CDKAL1: variants seen among roughly 807,000 people sequenced by gnomAD.
The protein encoded by CDKAL1 is CDKAL1 threonylcarbamoyladenosine tRNA methylthiotransferase.
Under a neutral mutation model 68.2 loss-of-function variants are expected in CDKAL1, and 32 were observed. That is an observed-to-expected ratio of 0.47 (90% CI 0.35 to 0.63). The LOEUF is 0.63. Ranked by LOEUF, CDKAL1 falls within the 30% of genes least tolerant of loss-of-function variation. The pLI is 0.00. For missense variants in CDKAL1, 606 were observed against 696.7 expected (o/e 0.87, Z 1.47); for synonymous variants, 234 against 244.3 (o/e 0.96, Z 0.39).
At chr6:20,860,809 C>T (rs1380646240) in intron 9 of CDKAL1, among the ~76,000 whole-genome samples, 2 of 150,268 alleles carry the variant, frequency 1.3e-5, no homozygotes, top group Admixed American at 6.6e-5. Context: ...GGCAACAGAG[C>T]GAGACTCCAT....
chr6:21,019,023 C>A (rs895847711), intron 11 of CDKAL1, among the ~76,000 whole-genome samples: 2 of 152,198 alleles, frequency 1.3e-5, no homozygotes, highest in East Asian at 1.9e-4. Context: ...GATACGTCTC[C>A]CTGCAACCTC....
At chr6:20,610,757 A>G (rs1766584445) in intron 4 of CDKAL1, among the ~76,000 whole-genome samples, 1 of 152,236 alleles carries the variant, frequency 6.6e-6, no homozygotes, top group Admixed American at 6.5e-5. Context: ...TTTAGGCTAG[A>G]ATCTAATTCT....
intron 5 of CDKAL1, among the ~76,000 whole-genome samples, chr6:20,701,399 G>C (rs957445669): frequency 1.3e-5 from 2 of 152,010 alleles, no homozygotes; most frequent in African/African-American, 4.8e-5. Context: ...CTGGAACCAA[G>C]TAGTAGCTCT....
intron 11 of CDKAL1, among the ~76,000 whole-genome samples, chr6:21,026,588 C>T (rs1561971922): frequency 6.6e-6 from 1 of 152,154 alleles, no homozygotes; most frequent in Admixed American, 6.5e-5. Flanking sequence ...ATGATGTTTT[C>T]GTGGCTTTAT....
chr6:21,087,313 C>G (rs116692225), intron 12 of CDKAL1, among the ~76,000 whole-genome samples: 1 of 152,016 alleles, frequency 6.6e-6, no homozygotes, highest in South Asian at 2.1e-4. Flanking sequence ...TTCTAAGGAG[C>G]GGGCGCCTAG....
In CDKAL1 at chr6:21,231,055, A is replaced by G. The variant is rs1429468563; in HGVS notation, c.*16A>G. 6 of 1,546,994 alleles carry G rather than the reference A, an allele frequency of 3.9e-6. No homozygotes were observed. Among genetic ancestry groups the G allele is most frequent in the Non-Finnish European group, 5.3e-6 (6 of 1,132,576 alleles). On this transcript the variant is annotated 3_prime_UTR_variant, in exon 16 of 16. Coordinates refer to ENST00000274695, the MANE Select transcript of CDKAL1 (RefSeq NM_017774.3). ...CTATAATTAGAATACAACTAATGGA[A>G]ACATCTATAAAGAAGAATACATTTC...
chr6:21,195,566 A>C (rs1387930338), intron 13 of CDKAL1, among the ~76,000 whole-genome samples: 1 of 151,540 alleles, frequency 6.6e-6, no homozygotes, highest in African/African-American at 2.4e-5. Context: ...GCTGGAATGC[A>C]GTAGAATGAT....
In CDKAL1 at chr6:20,674,424, A is replaced by AT. The variant is rs532593121; in HGVS notation, c.371+25054dup. Among the ~76,000 whole-genome samples the AT allele has an allele frequency of 7.5e-3, 1,144 of 152,180 alleles. 12 individuals carry two copies. Among genetic ancestry groups the AT allele is most frequent in the African/African-American group, 0.026 (1,091 of 41,536 alleles). On this transcript the variant is annotated intron_variant, in intron 5 of 15. Coordinates refer to ENST00000274695, the MANE Select transcript of CDKAL1 (RefSeq NM_017774.3). The stretch of plus-strand genomic sequence containing the variant: ...GTTAAGAAACTATCCATACATTTCT[A>AT]TTTTTTTAGAGTTTTTTCTTTTTAA...
intron 11 of CDKAL1, among the ~76,000 whole-genome samples, chr6:21,037,207 T>G (rs1769642258): frequency 6.6e-6 from 1 of 152,112 alleles, no homozygotes; most frequent in Admixed American, 6.6e-5. Flanking sequence ...TCCTTCCCTT[T>G]CCCACAGAAG....
intron 4 of CDKAL1, among the ~76,000 whole-genome samples, chr6:20,585,427 A>AT (rs1765312147): frequency 6.6e-6 from 1 of 151,166 alleles, no homozygotes; most frequent in Non-Finnish European, 1.5e-5. Flanking sequence ...CAACTATTCC[A>AT]TTTTTTTCTT....
In CDKAL1 at chr6:20,720,583, G is replaced by A. The variant is rs554468780; in HGVS notation, c.372-18936G>A. Among the ~76,000 whole-genome samples the A allele has an allele frequency of 5.3e-5, 8 of 151,372 alleles. No homozygotes were observed. In the South Asian group the frequency reaches 6.3e-4, roughly 12 times the overall value. ...GTGCAGTGGTGTGATCTCGGCTCAC[G>A]GCAACCTTTACCTCCTGGGCTCAAG... On this transcript the variant is annotated intron_variant, in intron 5 of 15. Coordinates refer to ENST00000274695, the MANE Select transcript of CDKAL1 (RefSeq NM_017774.3).
At chr6:20,694,903 C>T (rs192547942) in intron 5 of CDKAL1, among the ~76,000 whole-genome samples, 3 of 152,242 alleles carry the variant, frequency 2.0e-5, no homozygotes, top group Non-Finnish European at 4.4e-5. Flanking sequence ...TAAAAACAGC[C>T]TGGTACCCCC....
chr6:20,817,553 C>T (rs1175604049), intron 8 of CDKAL1, among the ~76,000 whole-genome samples: 1 of 152,078 alleles, frequency 6.6e-6, no homozygotes, highest in Non-Finnish European at 1.5e-5. Context: ...AAATCATGTG[C>T]CATGAACACA....
intron 5 of CDKAL1, among the ~76,000 whole-genome samples, chr6:20,656,621 T>G (rs1769039050): frequency 6.6e-6 from 1 of 152,186 alleles, no homozygotes; most frequent in Admixed American, 6.5e-5. Flanking sequence ...TTTCTGTGAT[T>G]ATCAACTTTA....
At chr6:20,642,369 T>C (rs922770445) in intron 4 of CDKAL1, among the ~76,000 whole-genome samples, 1 of 151,568 alleles carries the variant, frequency 6.6e-6, no homozygotes, top group African/African-American at 2.4e-5. Context: ...AGGGTTGATA[T>C]CCTATGTGGC....
chr6:20,820,679 T>C (rs1777241253), intron 8 of CDKAL1, among the ~76,000 whole-genome samples: 1 of 152,188 alleles, frequency 6.6e-6, no homozygotes, highest in South Asian at 2.1e-4. Context: ...GCTACTCTTT[T>C]GCTGTGTGAC....
intron 11 of CDKAL1, among the ~76,000 whole-genome samples, chr6:21,056,284 A>G (rs1248482524): frequency 6.6e-6 from 1 of 152,128 alleles, no homozygotes; most frequent in African/African-American, 2.4e-5. Flanking sequence ...TCTTTGAGGC[A>G]ATTGTGAATG....
intron 5 of CDKAL1, among the ~76,000 whole-genome samples, chr6:20,679,204 A>T (rs1293818181): frequency 1.3e-5 from 2 of 152,254 alleles, no homozygotes; most frequent in African/African-American, 2.4e-5. Context: ...GGCATGAGCC[A>T]CTGTATCCGG....
intron 13 of CDKAL1, among the ~76,000 whole-genome samples, chr6:21,116,084 T>A (rs1774395315): frequency 6.6e-6 from 1 of 152,214 alleles, no homozygotes; most frequent in Non-Finnish European, 1.5e-5. Flanking sequence ...CCTATACATT[T>A]TGGCCTAATT....
Sources: gnomAD v4.1 joint callset for allele counts (sites outside exome capture counted in the v4.1 genomes callset) on GRCh38, gnomAD v4.1.1 for gene constraint, MANE v1.5 for transcripts, NCBI Gene and HGNC (gene_info 2026-07-23, HGNC 2026-07-21) for gene names.